Variants in B3GALT1 observed in about 807,000 individuals in gnomAD.
The protein encoded by B3GALT1 is beta-1,3-galactosyltransferase 1.
A neutral mutation model predicts 23.2 loss-of-function variants in B3GALT1; 10 were observed. That is an observed-to-expected ratio of 0.43 (90% CI 0.27 to 0.73). B3GALT1 has a LOEUF of 0.73. Ranked by LOEUF, B3GALT1 falls within the 30% of genes least tolerant of loss-of-function variation. B3GALT1 has a pLI of 0.21. For synonymous variants in B3GALT1, 156 were observed against 141.5 expected (o/e 1.10, Z -0.73); for missense variants, 299 against 405.4 (o/e 0.74, Z 2.25).
chr2:167,509,018 A>ATAAGT (rs1699964264), intron 2 of B3GALT1, among the ~76,000 whole-genome samples: 1 of 152,212 alleles, frequency 6.6e-6, no homozygotes, highest in Non-Finnish European at 1.5e-5. Context: ...AAGAGTCAAG[A>ATAAGT]TAAGTTTCAG....
chr2:167,564,635 C>T (rs377260845), intron 2 of B3GALT1, among the ~76,000 whole-genome samples: 61 of 152,298 alleles, frequency 4.0e-4, no homozygotes, highest in East Asian at 3.7e-3. Context: ...CCGAGGCCGG[C>T]GGATCACTCG....
At chr2:167,389,613 G>A (rs1266064070) in intron 1 of B3GALT1, among the ~76,000 whole-genome samples, 1 of 152,130 alleles carries the variant, frequency 6.6e-6, no homozygotes, top group African/African-American at 2.4e-5. Flanking sequence ...GGAATTTTAG[G>A]TGATGGTAGG....
chr2:167,521,737 A>G (rs1700190560), intron 2 of B3GALT1, among the ~76,000 whole-genome samples: 1 of 151,948 alleles, frequency 6.6e-6, no homozygotes, highest in Non-Finnish European at 1.5e-5. Flanking sequence ...CACTGCCTCT[A>G]CTACCATTAT....
intron 2 of B3GALT1, among the ~76,000 whole-genome samples, chr2:167,503,671 C>G (rs2105349591): frequency 6.6e-6 from 1 of 152,282 alleles, no homozygotes; most frequent in South Asian, 2.1e-4. Context: ...AATTTCTCTT[C>G]TTGAACAGCT....
At chr2:167,733,253 T>A (rs905253178) in intron 3 of B3GALT1, among the ~76,000 whole-genome samples, 3 of 152,126 alleles carry the variant, frequency 2.0e-5, no homozygotes, top group African/African-American at 7.2e-5. Flanking sequence ...GCTGTTTAGT[T>A]CCAGTGCACT....
At chr2:167,753,945 C>T (rs556676685) in intron 3 of B3GALT1, among the ~76,000 whole-genome samples, 24 of 152,264 alleles carry the variant, frequency 1.6e-4, no homozygotes, top group Admixed American at 1.4e-3. Context: ...TACCTCAGAA[C>T]AAAGACAATG....
chr2:167,492,632 A>G (rs1041326486), intron 2 of B3GALT1, among the ~76,000 whole-genome samples: 1 of 152,192 alleles, frequency 6.6e-6, no homozygotes, highest in African/African-American at 2.4e-5. Flanking sequence ...CATTTTTACA[A>G]GCATTTGGTT....
intron 3 of B3GALT1, among the ~76,000 whole-genome samples, chr2:167,784,253 G>A (rs1416669223): frequency 2.0e-5 from 3 of 152,162 alleles, no homozygotes; most frequent in Non-Finnish European, 2.9e-5. Context: ...CCGATTACCA[G>A]GAGATGTGCA....
At chr2:167,591,627 A>G (rs187346807) in intron 2 of B3GALT1, among the ~76,000 whole-genome samples, 205 of 152,108 alleles carry the variant, frequency 1.3e-3, no homozygotes, top group Non-Finnish European at 2.6e-3. Context: ...ATGCAACCAA[A>G]ATACACTGCT....
chr2:167,777,025 G>C (rs1558975791), intron 3 of B3GALT1, among the ~76,000 whole-genome samples: 1 of 152,020 alleles, frequency 6.6e-6, no homozygotes, highest in Non-Finnish European at 1.5e-5. Flanking sequence ...TATTAATATA[G>C]AACAAAGTAT....
intron 3 of B3GALT1, chr2:167,815,213 A>C (rs1027978280): frequency 6.6e-6 from 1 of 152,246 alleles, no homozygotes; most frequent in Admixed American, 6.5e-5. Flanking sequence ...AGAATCTCAG[A>C]GTCCCAAAGC....
chr2:167,622,680 A>T (rs577530343), intron 2 of B3GALT1, among the ~76,000 whole-genome samples: 1 of 152,286 alleles, frequency 6.6e-6, no homozygotes, highest in South Asian at 2.1e-4. Context: ...TCTAAAAAGG[A>T]AATGCATCTT....
chr2:167,629,337 T>A (rs914470107), intron 2 of B3GALT1, among the ~76,000 whole-genome samples: 2 of 151,794 alleles, frequency 1.3e-5, no homozygotes, highest in Admixed American at 6.6e-5. Flanking sequence ...TATTAAACTT[T>A]GGAATCATTT....
At chr2:167,597,117 G>GTTTTTTTTTTTTTTTTTTTTT (rs1309406987) in intron 2 of B3GALT1, among the ~76,000 whole-genome samples, 1 of 131,452 alleles carries the variant, frequency 7.6e-6, no homozygotes, top group Non-Finnish European at 1.7e-5. Context: ...TTTTGTTTTT[G>GTTTTTTTTTTTTTTTTTTTTT]TTTTTTTTTT....
chr2:167,344,415 A>G (rs1697197268), intron 1 of B3GALT1, among the ~76,000 whole-genome samples: 1 of 152,114 alleles, frequency 6.6e-6, no homozygotes, highest in African/African-American at 2.4e-5. Context: ...CATAATCAAC[A>G]TTTTTCTTCT....
At chr2:167,640,706 T>A (rs1026004061) in intron 2 of B3GALT1, among the ~76,000 whole-genome samples, 2 of 152,214 alleles carry the variant, frequency 1.3e-5, no homozygotes, top group African/African-American at 4.8e-5. Context: ...CTCTAAAAAA[T>A]GAGGCATATT....
At chr2:167,403,077 G>A (rs1408837367) in intron 1 of B3GALT1, among the ~76,000 whole-genome samples, 1 of 151,510 alleles carries the variant, frequency 6.6e-6, no homozygotes, top group East Asian at 2.0e-4. Context: ...TGCACAACGT[G>A]CAGGTTGCAT....
chr2:167,343,118 A>C (rs1354208122), intron 1 of B3GALT1, among the ~76,000 whole-genome samples: 1 of 152,154 alleles, frequency 6.6e-6, no homozygotes, highest in African/African-American at 2.4e-5. Flanking sequence ...TAATTCTTCC[A>C]TTATGATGGA....
At chr2:167,431,599 A>G (rs768405414) in intron 1 of B3GALT1, among the ~76,000 whole-genome samples, 1 of 152,208 alleles carries the variant, frequency 6.6e-6, no homozygotes, top group Non-Finnish European at 1.5e-5. Context: ...ATGTCTGTCT[A>G]TTGAGACTTC....
Sources: gnomAD v4.1 joint callset for allele counts (sites outside exome capture counted in the v4.1 genomes callset) on GRCh38, gnomAD v4.1.1 for gene constraint, MANE v1.5 for transcripts, NCBI Gene and HGNC (gene_info 2026-07-23, HGNC 2026-07-21) for gene names.